FRK: variants seen among roughly 807,000 people sequenced by gnomAD.
FRK encodes the protein fyn related Src family tyrosine kinase, also known as tyrosine-protein kinase FRK.
In FRK, 51 loss-of-function variants were observed where a neutral mutation model predicts 56.4. That is an observed-to-expected ratio of 0.90 (90% CI 0.72 to 1.14). The LOEUF is 1.14. Among genes scored for constraint, FRK ranks in the 50% most tolerant of loss-of-function variants. The pLI, the probability that FRK is intolerant of heterozygous loss-of-function variation, is 0.00. For synonymous variants in FRK, 245 were observed against 217.9 expected, an observed-to-expected ratio of 1.12 and a Z score of -1.10; for missense variants, 570 against 601.4, an observed-to-expected ratio of 0.95 and a Z score of 0.55.
At chr6:116,096,726 A>T in the FRK span, among the ~76,000 whole-genome samples, 1 of 152,348 alleles carries the variant, frequency 6.6e-6, no homozygotes, top group African/African-American at 2.4e-5. Flanking sequence ...TGCAGGGACA[A>T]ATAAGGGAAT....
rs371830860 is a variant in FRK, at chr6:116,026,783, CCA to C, written c.345-22787_345-22786del. Among the ~76,000 whole-genome samples, 507 of 151,926 alleles carry C rather than the reference CCA, an allele frequency of 3.3e-3. 1 individual carries two copies. The highest frequency in any genetic ancestry group is 0.011 in the African/African-American group (475 of 41,420). On this transcript the variant is annotated intron_variant, in intron 1 of 7. Coordinates refer to ENST00000606080, the MANE Select transcript of FRK (RefSeq NM_002031.3). ...ACTTACTAATTCTACAAAGAATTTACCAGAAGGAAGGAAATGTAGCATCAGTG... is the reference window on the plus strand; with the variant it reads ...ACTTACTAATTCTACAAAGAATTTACGAAGGAAGGAAATGTAGCATCAGTG...
At chr6:115,951,963 T>A (rs1162720701) in intron 5 of FRK, among the ~76,000 whole-genome samples, 1 of 152,218 alleles carries the variant, frequency 6.6e-6, no homozygotes, top group African/African-American at 2.4e-5. Flanking sequence ...CAAGGTTTTT[T>A]GGCTGCATAA....
chr6:116,090,658 C>T, the FRK span, among the ~76,000 whole-genome samples: 15 of 152,328 alleles, frequency 9.8e-5, no homozygotes, highest in South Asian at 1.7e-3. Context: ...AAAAGCCATG[C>T]ATATGGATGC....
rs1257419367 is a variant in FRK, at chr6:115,938,492, TGATA to T, written c.*3918_*3921del. On this transcript the variant is annotated 3_prime_UTR_variant, in exon 8 of 8. Coordinates refer to ENST00000606080, the MANE Select transcript of FRK (RefSeq NM_002031.3). The stretch of plus-strand genomic sequence containing the variant: ...ACTAAGATCAGAACAGAACTGAAGG[TGATA>T]GAGACATGAAAAACCTTTCAAAAAA... The T allele has an allele frequency of 6.6e-6, 1 of 151,748 alleles. No individual in the cohort carries two copies. The highest frequency in any genetic ancestry group is 2.4e-5 in the African/African-American group (1 of 41,320). The allele number at this position is 151,748 out of a possible 1,614,324, so 9.4% of individuals were successfully genotyped here.
chr6:115,998,744 A>T lies in FRK; in HGVS notation c.466+5133T>A, dbSNP rs141680872. Among the ~76,000 whole-genome samples, 688 of 152,336 alleles carry T rather than the reference A, an allele frequency of 4.5e-3. 5 individuals carry two copies. Among genetic ancestry groups the T allele is most frequent in the Middle Eastern group, 0.024 (7 of 294 alleles). On this transcript the variant is annotated intron_variant, in intron 2 of 7. Coordinates refer to ENST00000606080, the MANE Select transcript of FRK (RefSeq NM_002031.3). ...TCACTTACTAGAGGGCCTGGCACACAGTGGGCATACTGAATGCCGTTGAAG... is the reference window on the plus strand; with the variant it reads ...TCACTTACTAGAGGGCCTGGCACACTGTGGGCATACTGAATGCCGTTGAAG...
chr6:115,993,144 C>T (rs974280035), intron 2 of FRK, among the ~76,000 whole-genome samples: 9 of 151,588 alleles, frequency 5.9e-5, no homozygotes, highest in Admixed American at 2.0e-4. Context: ...AACCTATACA[C>T]GGATGTATGT....
Position 115,959,042 on chromosome 6 carries a change from T to G in FRK, c.800-2432A>C, listed in dbSNP as rs1220928732. ...AGCACTCCTTCATGGCCATGCTGGTTATAGCTCCCCAGCTGCAGAGTAAAG... is the reference window on the plus strand; with the variant it reads ...AGCACTCCTTCATGGCCATGCTGGTGATAGCTCCCCAGCTGCAGAGTAAAG... On this transcript the variant is annotated intron_variant, in intron 4 of 7. Transcript: ENST00000606080. Among the ~76,000 whole-genome samples, 14 of 152,262 alleles carry G rather than the reference T, an allele frequency of 9.2e-5. No homozygotes were observed. In the East Asian group the frequency reaches 2.7e-3, roughly 29 times the overall value.
intron 1 of FRK, among the ~76,000 whole-genome samples, chr6:116,026,006 A>C (rs1776074994): frequency 6.6e-6 from 1 of 152,166 alleles, no homozygotes; most frequent in Admixed American, 6.5e-5. Context: ...CAAAGAGTAA[A>C]GTAGAATTGA....
At chr6:116,096,600 GT>G in the FRK span, among the ~76,000 whole-genome samples, 1 of 152,154 alleles carries the variant, frequency 6.6e-6, no homozygotes, top group African/African-American at 2.4e-5. Flanking sequence ...TGAGCACTCT[GT>G]GTCTAGCTAA....
chr6:115,940,931 G>A lies in FRK; in HGVS notation c.*1483C>T, dbSNP rs1045520197. The A allele has an allele frequency of 1.3e-5, 2 of 152,226 alleles. No homozygotes were observed. Among genetic ancestry groups the A allele is most frequent in the Admixed American group, 6.5e-5 (1 of 15,278 alleles). 9.4% of individuals were successfully genotyped at this position (152,226 alleles called of 1,614,324 possible). ...ATAAATTAGTTCAACCATTGTGGAG[G>A]ACAGTGTAGCAATTCCTCAAGGATC... On this transcript the variant is annotated 3_prime_UTR_variant, in exon 8 of 8. Transcript: ENST00000606080.
chr6:116,039,321 A>G (rs763229403), intron 1 of FRK: 20 of 1,420,788 alleles, frequency 1.4e-5, no homozygotes, highest in Non-Finnish European at 2.0e-5. Flanking sequence ...AGTTCTGAGA[A>G]TGGTGTCCAA....
chr6:116,020,614 T>C (rs1236385750), intron 1 of FRK, among the ~76,000 whole-genome samples: 2 of 152,188 alleles, frequency 1.3e-5, no homozygotes, highest in Non-Finnish European at 2.9e-5. Context: ...CAACAAATTC[T>C]GCAAACATCA....
At chr6:116,011,427 C>T (rs1231206779) in intron 1 of FRK, among the ~76,000 whole-genome samples, 1 of 151,582 alleles carries the variant, frequency 6.6e-6, no homozygotes, top group Non-Finnish European at 1.5e-5. Flanking sequence ...CCTTCAAGTA[C>T]TATAGACAGA....
intron 4 of FRK, among the ~76,000 whole-genome samples, chr6:115,959,144 A>G (rs550816688): frequency 6.6e-6 from 1 of 152,360 alleles, no homozygotes; most frequent in South Asian, 2.1e-4. Flanking sequence ...GTGGGAGTTC[A>G]TTTCAGGCTC....
intron 2 of FRK, among the ~76,000 whole-genome samples, chr6:115,979,552 A>T (rs1774122424): frequency 1.3e-5 from 2 of 152,226 alleles, no homozygotes; most frequent in Middle Eastern, 3.4e-3. Flanking sequence ...TATAAATCTG[A>T]TGTAGTCTAA....
At chr6:115,950,120 G>A (rs1045030268) in intron 5 of FRK, among the ~76,000 whole-genome samples, 24 of 152,156 alleles carry the variant, frequency 1.6e-4, no homozygotes, top group Non-Finnish European at 2.6e-4. Flanking sequence ...ACATAGGCAT[G>A]GGCAAAGACT....
rs573927055 is a variant in FRK, at chr6:115,938,635, C to T, written c.*3779G>A. 7.2e-5 allele frequency: 11 copies of T among 151,994 alleles called. No homozygotes were observed. Among genetic ancestry groups the T allele is most frequent in the African/African-American group, 2.4e-4 (10 of 41,506 alleles). 9.4% of individuals were successfully genotyped at this position (151,994 alleles called of 1,614,324 possible). A position where few individuals can be genotyped will look rare whatever the true frequency, so the allele number is the denominator to read the frequency against. On this transcript the variant is annotated 3_prime_UTR_variant, in exon 8 of 8. Transcript: ENST00000606080. ...ATAGACACAATAAAAAATGATAAAG[C>T]GGAGATCACCACTGATCCCACAGAA...
the FRK span, among the ~76,000 whole-genome samples, chr6:116,095,282 G>A: frequency 6.6e-6 from 1 of 152,364 alleles, no homozygotes; most frequent in South Asian, 2.1e-4. Context: ...CTTTATAGAA[G>A]CAGAGTTAGG....
At position 115,933,459 on chromosome 6, in the gene FRK, C is replaced by T. The variant is rs192803986; in HGVS notation, c.*8955G>A. 6.6e-6 allele frequency: 1 copy of T among 152,214 alleles called. No individual in the cohort carries two copies. Among genetic ancestry groups the T allele is most frequent in the African/African-American group, 2.4e-5 (1 of 41,542 alleles). The allele number at this position is 152,214 out of a possible 1,614,324, so 9.4% of individuals were successfully genotyped here. Reference sequence around the variant, plus strand: ...GAATCCATTATTTTTCTCCATGATCCATCAGGTAAAAACAAGAATAATAGA... The same window carrying T: ...GAATCCATTATTTTTCTCCATGATCTATCAGGTAAAAACAAGAATAATAGA... On this transcript the variant is annotated 3_prime_UTR_variant, in exon 8 of 8. Coordinates refer to ENST00000606080, the MANE Select transcript of FRK (RefSeq NM_002031.3).
Sources: gnomAD v4.1 joint callset for allele counts (sites outside exome capture counted in the v4.1 genomes callset) on GRCh38, gnomAD v4.1.1 for gene constraint, MANE v1.5 for transcripts, NCBI Gene and HGNC (gene_info 2026-07-23, HGNC 2026-07-21) for gene names.